Variants in DCC observed in about 807,000 individuals in gnomAD.
DCC encodes netrin receptor DCC.
A neutral mutation model predicts 172.5 loss-of-function variants in DCC; 58 were observed. The ratio of observed to expected loss-of-function variants is 0.34; its 90% CI spans 0.27 to 0.42. The LOEUF is 0.42. DCC is among the 10% of genes least tolerant of loss of function. The probability of loss-of-function intolerance (pLI) is 1.00; values close to 1 mark genes in which losing one functional copy is unlikely to be tolerated. For synonymous variants in DCC, 709 were observed against 644.5 expected (o/e 1.10, Z -1.52); for missense variants, 1,740 against 1,791.0 (o/e 0.97, Z 0.51).
intron 13 of DCC, among the ~76,000 whole-genome samples, chr18:53,311,126 AT>A (rs5825012): frequency 1.4e-4 from 15 of 105,300 alleles, no homozygotes; most frequent in Middle Eastern, 4.9e-3. Flanking sequence ...TATTTTATTT[AT>A]TTATTTTTTT....
chr18:52,553,277 G>C (rs1197167735), intron 1 of DCC, among the ~76,000 whole-genome samples: 12 of 151,942 alleles, frequency 7.9e-5, no homozygotes, highest in Non-Finnish European at 1.8e-4. Context: ...AATACCAAGG[G>C]ATGCCAGAGA....
intron 1 of DCC, among the ~76,000 whole-genome samples, chr18:52,651,337 C>T (rs1321127006): frequency 6.6e-6 from 1 of 152,000 alleles, no homozygotes; most frequent in Non-Finnish European, 1.5e-5. Flanking sequence ...TGGGCCACCA[C>T]ACTTGGATTT....
intron 1 of DCC, among the ~76,000 whole-genome samples, chr18:52,743,649 T>C (rs751598823): frequency 1.3e-5 from 2 of 152,208 alleles, no homozygotes; most frequent in Non-Finnish European, 2.9e-5. Context: ...CACACACTTC[T>C]TGCCCTTTAA....
intron 2 of DCC, among the ~76,000 whole-genome samples, chr18:52,885,291 G>A (rs2039553230): frequency 6.6e-6 from 1 of 152,098 alleles, no homozygotes; most frequent in South Asian, 2.1e-4. Flanking sequence ...TGCTGTCTAG[G>A]AACCAGGGGT....
chr18:53,157,266 G>T, intron 7 of DCC, 90 bp from the exon 8 acceptor site: 1 of 1,494,934 alleles, frequency 6.7e-7, no homozygotes, highest in South Asian at 1.1e-5. Flanking sequence ...ATGACATGGA[G>T]ATGCTTGCTA....
intron 12 of DCC, among the ~76,000 whole-genome samples, chr18:53,264,358 C>T (rs1034471361): frequency 4.0e-5 from 6 of 151,532 alleles, no homozygotes; most frequent in Non-Finnish European, 7.4e-5. Flanking sequence ...GTGGTGGCGG[C>T]TGCGTGTAAT....
intron 2 of DCC, among the ~76,000 whole-genome samples, chr18:52,789,620 G>A (rs776680534): frequency 1.3e-5 from 2 of 152,152 alleles, no homozygotes; most frequent in Non-Finnish European, 2.9e-5. Context: ...AAACCAACAA[G>A]CCTGAGTTAG....
At chr18:53,478,170 G>C (rs1314125509) in intron 25 of DCC, among the ~76,000 whole-genome samples, 1 of 152,160 alleles carries the variant, frequency 6.6e-6, no homozygotes, top group African/African-American at 2.4e-5. Flanking sequence ...GCTGACCTGA[G>C]GCTGTCCTTT....
chr18:53,275,597 C>T (rs531667796), intron 12 of DCC, among the ~76,000 whole-genome samples: 7 of 152,050 alleles, frequency 4.6e-5, no homozygotes, highest in East Asian at 1.9e-4. Context: ...ACTATGCATT[C>T]GTAGTCAAGT....
intron 21 of DCC, among the ~76,000 whole-genome samples, chr18:53,418,666 C>A (rs1309818333): frequency 6.6e-6 from 1 of 151,924 alleles, no homozygotes; most frequent in East Asian, 1.9e-4. Flanking sequence ...AAAGTGAGAC[C>A]AGTTTTGATT....
At chr18:53,307,897 GTATATATATATA>G (rs771876514) in intron 13 of DCC, among the ~76,000 whole-genome samples, 1,084 of 67,334 alleles carry the variant, frequency 0.016, 43 homozygotes, top group East Asian at 0.045. Context: ...GTGTGTGTAT[GTATATATATATA>G]TATATATATA....
intron 1 of DCC, among the ~76,000 whole-genome samples, chr18:52,454,584 C>T (rs529163729): frequency 6.6e-5 from 10 of 151,928 alleles, no homozygotes; most frequent in African/African-American, 9.7e-5. Context: ...CATCAGCTTA[C>T]GGTATTAACA....
rs552917980 is a variant in DCC at position 52,698,863 on chromosome 18, C to G, written c.92-53191C>G. On this transcript the variant is annotated intron_variant, in intron 1 of 28. Transcript: ENST00000442544. Reference sequence around the variant, plus strand: ...TGACCTCGTGATCCACCCACCTTGGCCTCCCAAAGTGCTGGGATTACAGGT... The same window carrying G: ...TGACCTCGTGATCCACCCACCTTGGGCTCCCAAAGTGCTGGGATTACAGGT... Among the ~76,000 whole-genome samples, 137 of 150,554 alleles carry G rather than the reference C, an allele frequency of 9.1e-4. No individual in the cohort carries two copies. In the Middle Eastern group the frequency reaches 0.01, roughly 11 times the overall value.
chr18:53,423,693 T>C (rs1910756823), intron 21 of DCC, among the ~76,000 whole-genome samples: 1 of 152,208 alleles, frequency 6.6e-6, no homozygotes, highest in African/African-American at 2.4e-5. Context: ...TTTTATTGTG[T>C]TTTCCATTTC....
chr18:53,190,806 C>T (rs764544136), intron 9 of DCC, among the ~76,000 whole-genome samples: 12 of 152,068 alleles, frequency 7.9e-5, no homozygotes, highest in Non-Finnish European at 1.6e-4. Context: ...ACTAGCCTAG[C>T]ATGGTGGCGG....
At chr18:52,951,342 T>C (rs1284647116) in intron 5 of DCC, among the ~76,000 whole-genome samples, 2 of 152,198 alleles carry the variant, frequency 1.3e-5, no homozygotes, top group Non-Finnish European at 2.9e-5. Flanking sequence ...GGTATACATG[T>C]GCCACGGTGG....
chr18:52,807,423 C>T (rs1049384335), intron 2 of DCC, among the ~76,000 whole-genome samples: 1 of 152,162 alleles, frequency 6.6e-6, no homozygotes, highest in Non-Finnish European at 1.5e-5. Context: ...GATATTAATA[C>T]ACTCACTCAT....
chr18:53,028,449 C>A (rs1336559801), intron 5 of DCC, among the ~76,000 whole-genome samples: 1 of 152,024 alleles, frequency 6.6e-6, no homozygotes, highest in Non-Finnish European at 1.5e-5. Flanking sequence ...ATATAAATAG[C>A]TAACTGCACA....
intron 1 of DCC, among the ~76,000 whole-genome samples, chr18:52,728,031 A>AT: frequency 6.6e-6 from 1 of 152,208 alleles, no homozygotes; most frequent in Admixed American, 6.5e-5. Context: ...CGATAAACAA[A>AT]TTTTTTTCCA....
Sources: gnomAD v4.1 joint callset for allele counts (sites outside exome capture counted in the v4.1 genomes callset) on GRCh38, gnomAD v4.1.1 for gene constraint, MANE v1.5 for transcripts, NCBI Gene and HGNC (gene_info 2026-07-23, HGNC 2026-07-21) for gene names.